Variants in DOCK9 observed in about 807,000 individuals in gnomAD.
The protein encoded by DOCK9 is dedicator of cytokinesis 9, also known as dedicator of cytokinesis protein 9.
DOCK9 carries 89 observed loss-of-function variants against 263.3 expected under a neutral mutation model. The ratio of observed to expected loss-of-function variants is 0.34; its 90% confidence interval spans 0.28 to 0.40. The LOEUF (loss-of-function observed/expected upper bound fraction) is 0.40. Ranked by LOEUF, DOCK9 falls within the 10% of genes least tolerant of loss-of-function variation. The probability of loss-of-function intolerance (pLI) is 1.00; values close to 1 mark genes in which losing one functional copy is unlikely to be tolerated. For synonymous variants in DOCK9, 976 were observed against 973.1 expected, an observed-to-expected ratio of 1.00 and a Z score of -0.06; for missense variants, 2,140 against 2,603.4, an observed-to-expected ratio of 0.82 and a Z score of 3.87.
At chr13:98,828,338 T>C (rs1447007688) in intron 43 of DOCK9, among the ~76,000 whole-genome samples, 4 of 151,958 alleles carry the variant, frequency 2.6e-5, no homozygotes, top group Non-Finnish European at 5.9e-5. Flanking sequence ...TCTTCCTTTC[T>C]TTTTTTGAGA....
At chr13:98,891,509 G>C (rs190780270) in intron 15 of DOCK9, among the ~76,000 whole-genome samples, 3 of 152,068 alleles carry the variant, frequency 2.0e-5, no homozygotes, top group Admixed American at 6.6e-5. Context: ...GAATGAACAG[G>C]CATCTTCATC....
chr13:99,080,712 G>C (rs576486484), intron 1 of DOCK9, among the ~76,000 whole-genome samples: 13 of 152,244 alleles, frequency 8.5e-5, no homozygotes, highest in African/African-American at 2.6e-4. Flanking sequence ...ATTCTTTCCC[G>C]AATACACTGG....
chr13:99,045,898 C>G (rs1430694396), intron 1 of DOCK9, among the ~76,000 whole-genome samples: 2 of 150,662 alleles, frequency 1.3e-5, no homozygotes, highest in African/African-American at 4.9e-5. Flanking sequence ...TGAGACTATT[C>G]TGGCTAACAC....
chr13:99,060,926 A>C (rs963240380), intron 1 of DOCK9, among the ~76,000 whole-genome samples: 1 of 152,220 alleles, frequency 6.6e-6, no homozygotes, highest in Non-Finnish European at 1.5e-5. Context: ...TGTTAAATAA[A>C]TAAGTTACCA....
At chr13:98,979,879 G>C (rs1222295194), upstream of DOCK9, among the ~76,000 whole-genome samples, 1 of 152,188 alleles carries the variant, frequency 6.6e-6, no homozygotes, top group Non-Finnish European at 1.5e-5. Flanking sequence ...GACTAACTGA[G>C]CCTTAGTAAA....
chr13:98,905,386 T>C (rs2048929818), intron 9 of DOCK9, among the ~76,000 whole-genome samples: 1 of 152,038 alleles, frequency 6.6e-6, no homozygotes. Flanking sequence ...AAGAGAAAGT[T>C]TAAAGTACAG....
chr13:99,009,998 G>T (rs1429972541), intron 1 of DOCK9, among the ~76,000 whole-genome samples: 3 of 141,608 alleles, frequency 2.1e-5, no homozygotes, highest in Non-Finnish European at 3.1e-5. Flanking sequence ...AAGGCCATAA[G>T]GTAAAAAAAA....
At chr13:99,016,759 C>T (rs1885467493) in intron 1 of DOCK9, among the ~76,000 whole-genome samples, 3 of 152,182 alleles carry the variant, frequency 2.0e-5, no homozygotes, top group Non-Finnish European at 2.9e-5. Flanking sequence ...AAACTTTTCC[C>T]AGCCACAATA....
intron 1 of DOCK9, among the ~76,000 whole-genome samples, chr13:99,007,872 T>C (rs9517538): frequency 0.19 from 29,643 of 152,170 alleles, 3,396 homozygotes; most frequent in East Asian, 0.43. Context: ...CTTTCTTATC[T>C]TGAATTTTTA....
rs2089515488 is a variant in DOCK9, at chr13:98,797,099, C to A, written c.6156+16G>T. ...AACCAAGAACTCCAAGTTGTTGGAG[C>A]CAGTGCGGCCCTCACCTGCTCATGC... On this transcript the variant is annotated intron_variant, in intron 52 of 52. Coordinates refer to ENST00000682017, the MANE Select transcript of DOCK9 (RefSeq NM_001366683.2). The A allele has an allele frequency of 6.2e-7, 1 of 1,613,918 alleles. No individual in the cohort carries two copies.
At chr13:99,019,064 A>G (rs1188489144) in intron 1 of DOCK9, among the ~76,000 whole-genome samples, 1 of 152,196 alleles carries the variant, frequency 6.6e-6, no homozygotes, top group East Asian at 1.9e-4. Context: ...AGGCAGGAAC[A>G]AAGTACTGAT....
At chr13:98,969,622 CG>C (rs1297021932) in intron 1 of DOCK9, among the ~76,000 whole-genome samples, 2 of 152,172 alleles carry the variant, frequency 1.3e-5, no homozygotes, top group Non-Finnish European at 2.9e-5. Flanking sequence ...GCTGGAACAA[CG>C]ACGCCATGAT....
At chr13:99,067,869 GCTT>G (rs1000214944) in intron 1 of DOCK9, among the ~76,000 whole-genome samples, 9 of 112,536 alleles carry the variant, frequency 8.0e-5, no homozygotes, top group Non-Finnish European at 1.5e-4. Flanking sequence ...AAGGACAGAA[GCTT>G]TTTTTTTTTT....
intron 1 of DOCK9, among the ~76,000 whole-genome samples, chr13:99,075,180 T>C (rs2041858972): frequency 6.6e-6 from 1 of 152,222 alleles, no homozygotes; most frequent in Admixed American, 6.5e-5. Context: ...CATTATTTTA[T>C]ATATTAATGA....
intron 1 of DOCK9, among the ~76,000 whole-genome samples, chr13:99,061,430 T>A (rs2041186253): frequency 6.6e-6 from 1 of 152,172 alleles, no homozygotes; most frequent in African/African-American, 2.4e-5. Context: ...AGACCCTCCT[T>A]GCCTAGCACT....
intron 15 of DOCK9, among the ~76,000 whole-genome samples, chr13:98,893,645 C>T (rs143689197): frequency 2.6e-5 from 4 of 152,252 alleles, no homozygotes; most frequent in African/African-American, 9.6e-5. Flanking sequence ...TATTAAATAA[C>T]ATTTTGAGAC....
At chr13:98,826,558 C>T (rs1032216847) in intron 44 of DOCK9, among the ~76,000 whole-genome samples, 2 of 152,162 alleles carry the variant, frequency 1.3e-5, no homozygotes, top group African/African-American at 4.8e-5. Context: ...CTAGATTTGG[C>T]CAGATGCAAA....
At chr13:98,939,625 G>A (rs2055486388) in intron 2 of DOCK9, among the ~76,000 whole-genome samples, 1 of 152,200 alleles carries the variant, frequency 6.6e-6, no homozygotes, top group South Asian at 2.1e-4. Context: ...TCAGGAGACG[G>A]ACGGACCTGG....
intron 33 of DOCK9, chr13:98,857,524 C>T (rs2093736189): frequency 6.6e-6 from 1 of 152,272 alleles, no homozygotes; most frequent in African/African-American, 2.4e-5. Context: ...CTCCTGACCT[C>T]AGGTGATCTG....
Sources: gnomAD v4.1 joint callset for allele counts (sites outside exome capture counted in the v4.1 genomes callset) on GRCh38, gnomAD v4.1.1 for gene constraint, MANE v1.5 for transcripts, NCBI Gene and HGNC (gene_info 2026-07-23, HGNC 2026-07-21) for gene names.